Variants in RB1 observed in about 807,000 individuals in gnomAD.
RB1 encodes the protein RB transcriptional corepressor 1.
In RB1, 18 loss-of-function variants were observed where a neutral mutation model predicts 135.4. That is an observed-to-expected ratio of 0.13 (90% CI 0.09 to 0.20). The LOEUF is 0.20. Ranked by LOEUF, RB1 falls within the 10% of genes least tolerant of loss-of-function variation. The pLI, the probability that RB1 is intolerant of heterozygous loss-of-function variation, is 1.00. For synonymous variants in RB1, 365 were observed against 373.2 expected (o/e 0.98, Z 0.25); for missense variants, 868 against 1,110.0 (o/e 0.78, Z 3.10).
chr13:48,381,529 C>A, intron 17 of RB1, 86 bp downstream of exon 17: 1 of 1,226,446 alleles, frequency 8.2e-7, no homozygotes, highest in Non-Finnish European at 1.2e-6. Flanking sequence ...TTAACATCTA[C>A]CTCAAGAACA....
At chr13:48,359,308 T>G (rs1477948513) in intron 6 of RB1, among the ~76,000 whole-genome samples, 1 of 151,704 alleles carries the variant, frequency 6.6e-6, no homozygotes, top group African/African-American at 2.4e-5. Context: ...ATTTTATAGA[T>G]GACTTTAAAT....
At chr13:48,327,891 A>G (rs1176612586) in intron 2 of RB1, among the ~76,000 whole-genome samples, 1 of 152,246 alleles carries the variant, frequency 6.6e-6, no homozygotes, top group African/African-American at 2.4e-5. Context: ...AAATGTCTTG[A>G]AATCTGTATA....
At chr13:48,339,359 A>G (rs1002377937) in intron 2 of RB1, among the ~76,000 whole-genome samples, 4 of 152,144 alleles carry the variant, frequency 2.6e-5, no homozygotes, top group African/African-American at 9.7e-5. Context: ...TACCTACTCA[A>G]GCTTCAGCAA....
chr13:48,333,745 C>A (rs1283438157), intron 2 of RB1, among the ~76,000 whole-genome samples: 2 of 148,280 alleles, frequency 1.3e-5, no homozygotes, highest in African/African-American at 4.9e-5. Context: ...GAAAAAAAAA[C>A]AAAGAGAGAA....
intron 2 of RB1, chr13:48,317,924 C>G (rs1245611845): frequency 2.4e-6 from 1 of 419,388 alleles, no homozygotes; most frequent in East Asian, 6.0e-5. Flanking sequence ...GCCTGAACTT[C>G]TGAACTGCTC....
chr13:48,361,257 T>C (rs1952636935), intron 7 of RB1, among the ~76,000 whole-genome samples: 1 of 152,156 alleles, frequency 6.6e-6, no homozygotes, highest in South Asian at 2.1e-4. Context: ...CAAATGTACA[T>C]GTGAATTCTC....
At chr13:48,465,649 G>A (rs2138346994) in intron 23 of RB1, among the ~76,000 whole-genome samples, 1 of 151,716 alleles carries the variant, frequency 6.6e-6, no homozygotes, top group African/African-American at 2.4e-5. Flanking sequence ...TGAGGTACCG[G>A]GTTCATCTCA....
At chr13:48,410,432 T>G (rs1449209255) in intron 17 of RB1, among the ~76,000 whole-genome samples, 1 of 152,180 alleles carries the variant, frequency 6.6e-6, no homozygotes, top group African/African-American at 2.4e-5. Context: ...AAGTACACAC[T>G]GTGATGTTTG....
chr13:48,412,245 G>T, intron 17 of RB1: 1 of 1,613,980 alleles, frequency 6.2e-7, no homozygotes, highest in Non-Finnish European at 8.5e-7. Context: ...GTCTGACATT[G>T]CCAAGTTAAT....
At chr13:48,445,637 A>C (rs2138317696) in intron 17 of RB1, among the ~76,000 whole-genome samples, 1 of 152,004 alleles carries the variant, frequency 6.6e-6, no homozygotes, top group East Asian at 1.9e-4. Flanking sequence ...CCTTGAACCC[A>C]CCCCATCCAC....
At chr13:48,408,775 CAA>C (rs1434653138) in intron 17 of RB1, 1 of 152,116 alleles carries the variant, frequency 6.6e-6, no homozygotes, top group Non-Finnish European at 1.5e-5. Context: ...TTCCTGTTGA[CAA>C]GAGACACCAA....
intron 2 of RB1, chr13:48,317,877 G>A (rs1952199704): frequency 2.5e-6 from 1 of 401,140 alleles, no homozygotes; most frequent in Admixed American, 3.3e-5. Context: ...ACTCTGGCCT[G>A]AATGAGCCCC....
At chr13:48,325,306 C>T (rs1952278144) in intron 2 of RB1, among the ~76,000 whole-genome samples, 1 of 152,108 alleles carries the variant, frequency 6.6e-6, no homozygotes, top group African/African-American at 2.4e-5. Context: ...AAAAACATTG[C>T]TCTTTTTCTA....
intron 2 of RB1, among the ~76,000 whole-genome samples, chr13:48,331,706 C>T (rs1952338270): frequency 6.6e-6 from 1 of 152,202 alleles, no homozygotes; most frequent in South Asian, 2.1e-4. Flanking sequence ...AAAATTAAAA[C>T]TAAAACTACC....
intron 17 of RB1, among the ~76,000 whole-genome samples, chr13:48,383,077 A>T (rs1258817763): frequency 1.3e-5 from 2 of 152,190 alleles, no homozygotes; most frequent in Non-Finnish European, 2.9e-5. Flanking sequence ...TAGATAATTT[A>T]TTTAAAGTAC....
chr13:48,330,592 C>T (rs1235431825), intron 2 of RB1, among the ~76,000 whole-genome samples: 2 of 151,978 alleles, frequency 1.3e-5, no homozygotes, highest in Non-Finnish European at 2.9e-5. Context: ...ATACTACCTG[C>T]TAAGACTGAA....
In RB1 at chr13:48,372,565, C is replaced by T. The variant is rs925572707; in HGVS notation, c.1128-840C>T. On this transcript the variant is annotated intron_variant, in intron 11 of 26. Transcript: ENST00000267163. ...AATCAGGAGGCTGAGGCAGGAGAATCACTTGAACCCGGGAAGTGGAGGTTG... is the reference window on the plus strand; with the variant it reads ...AATCAGGAGGCTGAGGCAGGAGAATTACTTGAACCCGGGAAGTGGAGGTTG... Among the ~76,000 whole-genome samples, 12 of 151,866 alleles carry T rather than the reference C, an allele frequency of 7.9e-5. No individual in the cohort carries two copies. The South Asian group carries it at 2.5e-3, about 32-fold the overall frequency.
At chr13:48,462,514 T>C (rs1949412733) in intron 20 of RB1, among the ~76,000 whole-genome samples, 1 of 152,252 alleles carries the variant, frequency 6.6e-6, no homozygotes, top group African/African-American at 2.4e-5. Context: ...TTATCACATA[T>C]ATAATTTGAA....
chr13:48,376,336 A>G (rs1246356607), intron 12 of RB1, among the ~76,000 whole-genome samples: 2 of 152,016 alleles, frequency 1.3e-5, no homozygotes, highest in Admixed American at 6.6e-5. Context: ...CCCCATCTCT[A>G]CTAAAGAGAC....
Sources: gnomAD v4.1 joint callset for allele counts (sites outside exome capture counted in the v4.1 genomes callset) on GRCh38, gnomAD v4.1.1 for gene constraint, MANE v1.5 for transcripts, NCBI Gene and HGNC (gene_info 2026-07-23, HGNC 2026-07-21) for gene names.